IFNA8: variants seen among roughly 807,000 people sequenced by gnomAD.
The protein encoded by IFNA8 is interferon alpha-8.
For missense variants in IFNA8, 246 were observed against 212.3 expected, an observed-to-expected ratio of 1.16 and a Z score of -0.99; for synonymous variants, 91 against 84.4, an observed-to-expected ratio of 1.08 and a Z score of -0.43.
Position 21,409,991 on chromosome 9 carries a change from C to G in IFNA8, c.*245C>G, listed in dbSNP as rs1818023681. On this transcript the variant is annotated 3_prime_UTR_variant, in exon 1 of 1. Transcript: ENST00000380205. ...TTTAAATCTTTATTTAGTTAACTAT[C>G]TATAGGGCTTAAATTAGTTTTGTTC... 1 of 336,942 alleles carries G rather than the reference C, an allele frequency of 3.0e-6. No homozygotes were observed. The highest frequency in any genetic ancestry group is 4.6e-5 in the Admixed American group (1 of 21,514). The allele number at this position is 336,942 out of a possible 1,614,324, so 20.9% of individuals were successfully genotyped here.
rs1818022070 is a variant in IFNA8 at position 21,409,827 on chromosome 9, C to A, written c.*81C>A. 1 of 1,266,158 alleles carries A rather than the reference C, an allele frequency of 7.9e-7. No individual in the cohort carries two copies. Among genetic ancestry groups the A allele is most frequent in the Non-Finnish European group, 1.1e-6 (1 of 885,922 alleles). The allele number at this position is 1,266,158 out of a possible 1,614,324, so 78.4% of individuals were successfully genotyped here. On this transcript the variant is annotated 3_prime_UTR_variant, in exon 1 of 1. Transcript: ENST00000380205. ...GACAAGTTGTGCTCTTTCAAAGACC[C>A]TTGTTTCTGCCAAAACCATGCTATG...
chr9:21,409,142 T>A lies in IFNA8; in HGVS notation c.-35T>A, dbSNP rs748751396. Reference sequence around the variant, plus strand: ...AGAGACCCAGGTTAAGGGTCATCCATCTGAACCAGCTCAGCAGCATCCACA... The same window carrying A: ...AGAGACCCAGGTTAAGGGTCATCCAACTGAACCAGCTCAGCAGCATCCACA... On this transcript the variant is annotated 5_prime_UTR_variant, in exon 1 of 1. Coordinates refer to ENST00000380205, the MANE Select transcript of IFNA8 (RefSeq NM_002170.4). The A allele has an allele frequency of 1.8e-5, 29 of 1,586,088 alleles. No homozygotes were observed. Among genetic ancestry groups the A allele is most frequent in the Non-Finnish European group, 2.3e-5 (27 of 1,156,548 alleles).
In IFNA8 at chr9:21,409,500, C is replaced by G; in HGVS notation, c.324C>G (p.Phe108Leu). ...TGGATGAGACCCTTCTAGATGAATT[C>G]TACATCGAACTTGACCAGCAGCTGA... is the stretch of plus-strand genomic sequence containing the variant. ...AALDETLLDE[F>L]YIELDQQLND... is the part of the protein sequence containing the mutation. Residue 108 changes from phenylalanine (F) to leucine (L), a missense_variant, in exon 1 of 1, where the codon TTC (phenylalanine) becomes TTG (leucine). Coordinates refer to ENST00000380205, the MANE Select transcript of IFNA8 (RefSeq NM_002170.4). 1 of 1,614,076 alleles carries G rather than the reference C, an allele frequency of 6.2e-7. No individual in the cohort carries two copies. Among genetic ancestry groups the G allele is most frequent in the Non-Finnish European group, 8.5e-7 (1 of 1,179,974 alleles).
chr9:21,409,861 C>A lies in IFNA8; in HGVS notation c.*115C>A. On this transcript the variant is annotated 3_prime_UTR_variant, in exon 1 of 1. Coordinates refer to ENST00000380205, the MANE Select transcript of IFNA8 (RefSeq NM_002170.4). ...GCCAAAACCATGCTATGAATTGAAT[C>A]AAATGTGTCAAGTGTTTTCAGGAGT... 1 of 950,338 alleles carries A rather than the reference C, an allele frequency of 1.1e-6. No homozygotes were observed. Among genetic ancestry groups the A allele is most frequent in the Non-Finnish European group, 1.6e-6 (1 of 618,616 alleles). 58.9% of individuals were successfully genotyped at this position (950,338 alleles called of 1,614,324 possible).
chr9:21,409,220 G>C lies in IFNA8; in HGVS notation c.44G>C (p.Ser15Thr), dbSNP rs140159649. 1 of 1,613,996 alleles carries C rather than the reference G, an allele frequency of 6.2e-7. No homozygotes were observed. The highest frequency in any genetic ancestry group is 1.1e-5 in the South Asian group (1 of 91,076). The change falls in exon 1 of 1, where the codon AGC becomes ACC. Residue 15 changes from serine to threonine, a missense_variant. By Grantham distance (58) the Ser-to-Thr change is moderately conservative (BLOSUM62 1). Transcript: ENST00000380205. ...TTACTGGTGGCCCTAGTGGTGCTCA[G>C]CTACAAGTCATTCAGCTCTCTGGGC... ...FYLLVALVVL[S>T]YKSFSSLGCD...
Position 21,409,209 on chromosome 9 carries a change from A to T in IFNA8, c.33A>T (p.Leu11=). The change falls in exon 1 of 1, where the codon CTA becomes CTT. Residue 11 remains leucine, a synonymous_variant. Transcript: ENST00000380205. ...TGACTTTTTATTTACTGGTGGCCCT[A>T]GTGGTGCTCAGCTACAAGTCATTCA... MALTFYLLVA[L]VVLSYKSFSS... 1 of 1,613,896 alleles carries T rather than the reference A, an allele frequency of 6.2e-7. No individual in the cohort carries two copies. Among genetic ancestry groups the T allele is most frequent in the Non-Finnish European group, 8.5e-7 (1 of 1,179,854 alleles).
chr9:21,410,044 G>T lies in IFNA8; in HGVS notation c.*298G>T. 1 of 202,442 alleles carries T rather than the reference G, an allele frequency of 4.9e-6. No homozygotes were observed. Among genetic ancestry groups the T allele is most frequent in the South Asian group, 1.2e-4 (1 of 8,128 alleles). 12.5% of individuals were successfully genotyped at this position (202,442 alleles called of 1,614,324 possible). On this transcript the variant is annotated 3_prime_UTR_variant, in exon 1 of 1. Coordinates refer to ENST00000380205, the MANE Select transcript of IFNA8 (RefSeq NM_002170.4). ...ATTATATTATGTGAACTTTTACATT[G>T]TGAATTGTGTAACAAAAACATGTTC...
chr9:21,409,593 C>T lies in IFNA8; in HGVS notation c.417C>T (p.Ser139=). 5 of 1,613,944 alleles carry T rather than the reference C, an allele frequency of 3.1e-6. No homozygotes were observed. The highest frequency in any genetic ancestry group is 4.2e-6 in the Non-Finnish European group (5 of 1,179,904). ...VIESPLMYED[S]ILAVRKYFQR... is the part of the protein sequence containing the mutation. ...AGTCTCCCCTGATGTACGAGGACTC[C>T]ATCCTGGCTGTGAGGAAATACTTCC... Residue 139 remains serine (S), a synonymous_variant, in exon 1 of 1, where the codon TCC becomes TCT. Coordinates refer to ENST00000380205, the MANE Select transcript of IFNA8 (RefSeq NM_002170.4).
Position 21,409,798 on chromosome 9 carries a change from C to A in IFNA8, c.*52C>A. 1 of 1,495,374 alleles carries A rather than the reference C, an allele frequency of 6.7e-7. No homozygotes were observed. Among genetic ancestry groups the A allele is most frequent in the Non-Finnish European group, 9.3e-7 (1 of 1,080,600 alleles). The allele number at this position is 1,495,374 out of a possible 1,614,324, so 92.6% of individuals were successfully genotyped here. ...TTATAGACTAATACAGCAGCTCACACTTCGACAAGTTGTGCTCTTTCAAAG... is the reference window on the plus strand; with the variant it reads ...TTATAGACTAATACAGCAGCTCACAATTCGACAAGTTGTGCTCTTTCAAAG... On this transcript the variant is annotated 3_prime_UTR_variant, in exon 1 of 1. Transcript: ENST00000380205.
At position 21,409,506 on chromosome 9, in the gene IFNA8, C is replaced by T. The variant is rs199520715; in HGVS notation, c.330C>T (p.Ile110=). 7 of 1,614,014 alleles carry T rather than the reference C, an allele frequency of 4.3e-6. No individual in the cohort carries two copies. The highest frequency in any genetic ancestry group is 2.7e-5 in the African/African-American group (2 of 75,014). Residue 110 remains isoleucine, a synonymous_variant, in exon 1 of 1, where the codon ATC becomes ATT. Transcript: ENST00000380205. The part of the protein sequence containing the change: ...LDETLLDEFY[I]ELDQQLNDLE... ...AGACCCTTCTAGATGAATTCTACAT[C>T]GAACTTGACCAGCAGCTGAATGACC... is the stretch of plus-strand genomic sequence containing the variant.
chr9:21,409,621 A>C lies in IFNA8; in HGVS notation c.445A>C (p.Arg149=). The C allele has an allele frequency of 6.2e-7, 1 of 1,613,984 alleles. No individual in the cohort carries two copies. Residue 149 remains arginine, a synonymous_variant, in exon 1 of 1, where the codon AGA becomes CGA. Coordinates refer to ENST00000380205, the MANE Select transcript of IFNA8 (RefSeq NM_002170.4). ...CCTGGCTGTGAGGAAATACTTCCAAAGAATCACTCTATATCTGACAGAGAA... is the reference window on the plus strand; with the variant it reads ...CCTGGCTGTGAGGAAATACTTCCAACGAATCACTCTATATCTGACAGAGAA... ...SILAVRKYFQ[R]ITLYLTEKKY...
chr9:21,409,801 C>A lies in IFNA8; in HGVS notation c.*55C>A. The A allele has an allele frequency of 1.4e-6, 2 of 1,479,146 alleles. No homozygotes were observed. The highest frequency in any genetic ancestry group is 1.2e-5 in the South Asian group (1 of 85,838). 91.6% of individuals were successfully genotyped at this position (1,479,146 alleles called of 1,614,324 possible). On this transcript the variant is annotated 3_prime_UTR_variant, in exon 1 of 1. Transcript: ENST00000380205. ...TAGACTAATACAGCAGCTCACACTTCGACAAGTTGTGCTCTTTCAAAGACC... is the reference window on the plus strand; with the variant it reads ...TAGACTAATACAGCAGCTCACACTTAGACAAGTTGTGCTCTTTCAAAGACC...
Position 21,409,732 on chromosome 9 carries a change from A to C in IFNA8, c.556A>C (p.Lys186Gln). 6.2e-7 allele frequency: 1 copy of C among 1,613,512 alleles called. No homozygotes were observed. The highest frequency in any genetic ancestry group is 8.5e-7 in the Non-Finnish European group (1 of 1,179,482). The change falls in exon 1 of 1, where the codon AAG (lysine) becomes CAG (glutamine). Residue 186 changes from lysine to glutamine, a missense_variant. Lys to Gln is a moderately conservative substitution (Grantham distance 53, BLOSUM62 1). Coordinates refer to ENST00000380205, the MANE Select transcript of IFNA8 (RefSeq NM_002170.4). Reference protein sequence around the residue: ...SLSINLQKRLKSKE With the variant: ...SLSINLQKRLQSKE ...ATCAATCAACTTGCAAAAAAGATTG[A>C]AGAGTAAGGAATGAGACCTGGTACA...
Position 21,409,210 on chromosome 9 carries a change from G to A in IFNA8, c.34G>A (p.Val12Met). The A allele has an allele frequency of 6.2e-7, 1 of 1,613,964 alleles. No individual in the cohort carries two copies. The highest frequency in any genetic ancestry group is 8.5e-7 in the Non-Finnish European group (1 of 1,179,894). ...ALTFYLLVAL[V>M]VLSYKSFSSL... ...GACTTTTTATTTACTGGTGGCCCTA[G>A]TGGTGCTCAGCTACAAGTCATTCAG... The change falls in exon 1 of 1, where the codon GTG becomes ATG. Residue 12 changes from valine to methionine, a missense_variant. Transcript: ENST00000380205.
chr9:21,410,147 C>G lies in IFNA8; in HGVS notation c.*401C>G. 1 of 181,092 alleles carries G rather than the reference C, an allele frequency of 5.5e-6. No homozygotes were observed. The allele number at this position is 181,092 out of a possible 1,614,324, so 11.2% of individuals were successfully genotyped here. A position where few individuals can be genotyped will look rare whatever the true frequency, so the allele number is the denominator to read the frequency against. On this transcript the variant is annotated 3_prime_UTR_variant, in exon 1 of 1. Coordinates refer to ENST00000380205, the MANE Select transcript of IFNA8 (RefSeq NM_002170.4). ...TTTATTTATTCTTTAAAATTGAACTCCAACCCTGATTGTGCAAACTGATTA... is the reference window on the plus strand; with the variant it reads ...TTTATTTATTCTTTAAAATTGAACTGCAACCCTGATTGTGCAAACTGATTA...
Position 21,409,912 on chromosome 9 carries a change from A to G in IFNA8, c.*166A>G. 2 of 597,680 alleles carry G rather than the reference A, an allele frequency of 3.3e-6. No homozygotes were observed. The allele number at this position is 597,680 out of a possible 1,614,324, so 37.0% of individuals were successfully genotyped here. On this transcript the variant is annotated 3_prime_UTR_variant, in exon 1 of 1. Coordinates refer to ENST00000380205, the MANE Select transcript of IFNA8 (RefSeq NM_002170.4). Reference sequence around the variant, plus strand: ...GTTAAGCAACATCCTGTTCAGCTGTATGGGCACTAGTCCCTTACAGATGAC... The same window carrying G: ...GTTAAGCAACATCCTGTTCAGCTGTGTGGGCACTAGTCCCTTACAGATGAC...
chr9:21,409,406 T>G lies in IFNA8; in HGVS notation c.230T>G (p.Ile77Ser), dbSNP rs749231173. 1 of 1,614,084 alleles carries G rather than the reference T, an allele frequency of 6.2e-7. No homozygotes were observed. Among genetic ancestry groups the G allele is most frequent in the Non-Finnish European group, 8.5e-7 (1 of 1,179,976 alleles). ...DDKQFQKAQA[I>S]SVLHEMIQQT... ...AAACAGTTCCAGAAGGCTCAAGCCATCTCTGTCCTCCATGAGATGATCCAG... is the reference window on the plus strand; with the variant it reads ...AAACAGTTCCAGAAGGCTCAAGCCAGCTCTGTCCTCCATGAGATGATCCAG... The change falls in exon 1 of 1, where the codon ATC (isoleucine) becomes AGC (serine). Residue 77 changes from isoleucine (I) to serine (S), a missense_variant. Physicochemically the swap from Ile to Ser is moderately radical, Grantham distance 142. Transcript: ENST00000380205.
rs776001580 is a variant in IFNA8, at chr9:21,409,203, G to A, written c.27G>A (p.Val9=). The A allele has an allele frequency of 1.1e-5, 17 of 1,613,700 alleles. No individual in the cohort carries two copies. Among genetic ancestry groups the A allele is most frequent in the Non-Finnish European group, 1.4e-5 (16 of 1,179,860 alleles). The change falls in exon 1 of 1, where the codon GTG becomes GTA. Residue 9 remains valine (V), a synonymous_variant. Coordinates refer to ENST00000380205, the MANE Select transcript of IFNA8 (RefSeq NM_002170.4). MALTFYLL[V]ALVVLSYKSF... is the part of the protein sequence containing the mutation. ...TGGCCTTGACTTTTTATTTACTGGT[G>A]GCCCTAGTGGTGCTCAGCTACAAGT...
Position 21,409,436 on chromosome 9 carries a change from C to A in IFNA8, c.260C>A (p.Thr87Asn). The A allele has an allele frequency of 1.9e-6, 3 of 1,614,068 alleles. No homozygotes were observed. Among genetic ancestry groups the A allele is most frequent in the East Asian group, 4.5e-5 (2 of 44,878 alleles). ...GTCCTCCATGAGATGATCCAGCAGA[C>A]CTTCAACCTCTTCAGCACAAAGGAC... ...ISVLHEMIQQ[T>N]FNLFSTKDSS... The change falls in exon 1 of 1, where the codon ACC (threonine) becomes AAC (asparagine). Residue 87 changes from threonine (T) to asparagine (N), a missense_variant. Thr to Asn is a moderately conservative substitution (Grantham distance 65). Coordinates refer to ENST00000380205, the MANE Select transcript of IFNA8 (RefSeq NM_002170.4).
Sources: allele counts gnomAD v4.1 joint callset, GRCh38; gene constraint gnomAD v4.1.1; transcripts MANE v1.5; gene names NCBI Gene and HGNC (gene_info 2026-07-23, HGNC 2026-07-21).